The following WASHC5 variants were observed in gnomAD, a reference collection of about 807,000 sequenced individuals.
WASHC5 encodes the protein WASH complex subunit 5.
In WASHC5, 101 loss-of-function variants were observed where a neutral mutation model predicts 150.4. That is an observed-to-expected ratio of 0.67 (90% CI 0.57 to 0.79). The LOEUF is 0.79. Ranked by LOEUF, WASHC5 falls within the 30% of genes least tolerant of loss-of-function variation. WASHC5 has a pLI of 0.00. For synonymous variants in WASHC5, 467 were observed against 491.2 expected, an observed-to-expected ratio of 0.95 and a Z score of 0.65; for missense variants, 1,195 against 1,396.3, an observed-to-expected ratio of 0.86 and a Z score of 2.30.
At position 125,047,295 on chromosome 8, in the gene WASHC5, T is replaced by C; in HGVS notation, c.2416A>G (p.Ile806Val). ...ACAGGGGTAAACTTGGGTATTGGAA[T>C]ATGAGTGGACTGGTACATGCTTTGC... ...DWQSMYQSTH[I>V]PIPKFTPVDE... Residue 806 changes from isoleucine to valine, a missense_variant, in exon 20 of 29, where the codon ATT becomes GTT. Physicochemically the swap from Ile to Val is conservative, Grantham distance 29 (BLOSUM62 3). Transcript: ENST00000318410. The C allele has an allele frequency of 6.2e-7, 1 of 1,613,988 alleles. No individual in the cohort carries two copies. The highest frequency in any genetic ancestry group is 8.5e-7 in the Non-Finnish European group (1 of 1,179,860).
rs1477817501 is a variant in WASHC5, at chr8:125,044,918, C to CATTGAAACCA, written c.2505-221_2505-220insTGGTTTCAAT. On this transcript the variant is annotated intron_variant, in intron 20 of 28. Transcript: ENST00000318410. ...CTGACCCCCTTTTCCTGCCCTATGCCATATCATTGGTTTCAGTCATTTATT... is the reference window on the plus strand; with the variant it reads ...CTGACCCCCTTTTCCTGCCCTATGCCATTGAAACCAATATCATTGGTTTCAGTCATTTATT... 37 of 575,998 alleles carry CATTGAAACCA rather than the reference C, an allele frequency of 6.4e-5. No homozygotes were observed. In the Admixed American group the frequency reaches 1.0e-3, roughly 16 times the overall value. 35.7% of individuals were successfully genotyped at this position (575,998 alleles called of 1,614,324 possible).
chr8:125,044,807 A>G, intron 20 of WASHC5, 109 bp from the exon 21 acceptor site: 5 of 1,125,724 alleles, frequency 4.4e-6, no homozygotes, highest in East Asian at 2.3e-5. Context: ...CAGGAGTTAC[A>G]TGATCTGTGT....
At chr8:125,088,770 A>G (rs1441334528) in intron 1 of WASHC5, among the ~76,000 whole-genome samples, 1 of 152,172 alleles carries the variant, frequency 6.6e-6, no homozygotes, top group African/African-American at 2.4e-5. Context: ...CCTCCGGACC[A>G]TAGATGCTAT....
At chr8:125,036,969 C>A (rs999073692) in intron 26 of WASHC5, among the ~76,000 whole-genome samples, 1 of 152,084 alleles carries the variant, frequency 6.6e-6, no homozygotes, top group East Asian at 1.9e-4. Flanking sequence ...GCTGAGACCA[C>A]GCCATCGCGC....
intron 19 of WASHC5, among the ~76,000 whole-genome samples, chr8:125,047,738 T>A (rs1361711508): frequency 6.6e-6 from 1 of 152,074 alleles, no homozygotes; most frequent in African/African-American, 2.4e-5. Flanking sequence ...TCTGGCTAAT[T>A]TTTGTGTTTT....
In WASHC5 at chr8:125,039,954, G is replaced by A. The variant is rs1038566892; in HGVS notation, c.2851-56C>T. ...TGCATTCAAGCATTTCAGAGTGACA[G>A]TGAGGAGGTAAACACAAAGATGACA... On this transcript the variant is annotated intron_variant, in intron 23 of 28. Coordinates refer to ENST00000318410, the MANE Select transcript of WASHC5 (RefSeq NM_014846.4). 8 of 1,139,366 alleles carry A rather than the reference G, an allele frequency of 7.0e-6. No individual in the cohort carries two copies. The African/African-American group carries it at 1.2e-4, about 17-fold the overall frequency. 70.6% of individuals were successfully genotyped at this position (1,139,366 alleles called of 1,614,324 possible).
intron 12 of WASHC5, among the ~76,000 whole-genome samples, chr8:125,060,241 C>A (rs539869102): frequency 6.9e-6 from 1 of 144,600 alleles, no homozygotes; most frequent in South Asian, 2.1e-4. Context: ...AATCCCAGCA[C>A]TCTGAGAGCC....
Position 125,044,051 on chromosome 8 carries a change from G to C in WASHC5, c.2711C>G (p.Thr904Ser), listed in dbSNP as rs780949103. 1.2e-6 allele frequency: 2 copies of C among 1,613,566 alleles called. No individual in the cohort carries two copies. The highest frequency in any genetic ancestry group is 1.3e-5 in the African/African-American group (1 of 74,918). Residue 904 changes from threonine (T) to serine (S), a missense_variant, in exon 22 of 29, where the codon ACT becomes AGT. Thr to Ser is a moderately conservative substitution (Grantham distance 58). This residue lies in a region of WASHC5 where 997 missense variants were observed against 1,168.1 expected (regional missense o/e 0.85). Transcript: ENST00000318410. ...MFQKIILRDR[T>S]VQDTLKTLMN... ...GAGGGTTTTTAAAGTGTCCTGAACA[G>C]TTCTGTCTCTCAGGATAATTTTCTG...
chr8:125,073,361 T>A (rs750363932), intron 8 of WASHC5, 37 bp from the exon 9 acceptor site: 2 of 1,526,478 alleles, frequency 1.3e-6, no homozygotes, highest in South Asian at 2.2e-5. Context: ...ATTTAAAAAG[T>A]CATTTATCTT....
intron 5 of WASHC5, among the ~76,000 whole-genome samples, chr8:125,080,136 G>A (rs1817204600): frequency 6.6e-6 from 1 of 152,260 alleles, no homozygotes; most frequent in Non-Finnish European, 1.5e-5. Flanking sequence ...TTTGCTGTAA[G>A]GATCTCTTTT....
At chr8:125,079,184 C>T (rs1480147367) in intron 5 of WASHC5, among the ~76,000 whole-genome samples, 1 of 104,976 alleles carries the variant, frequency 9.5e-6, no homozygotes, top group Non-Finnish European at 1.9e-5. Context: ...GTATATATAA[C>T]CTTTTTTTTT....
chr8:125,029,025 G>C (rs1169675043), intron 27 of WASHC5, among the ~76,000 whole-genome samples: 1 of 136,048 alleles, frequency 7.4e-6, no homozygotes. Flanking sequence ...TCCCATCCCT[G>C]CACACTTTTT....
chr8:125,085,729 T>C (rs1374590931), intron 1 of WASHC5, among the ~76,000 whole-genome samples: 3 of 152,138 alleles, frequency 2.0e-5, no homozygotes, highest in Non-Finnish European at 4.4e-5. Context: ...CCAGTGCAGA[T>C]AGCAGGGGTG....
chr8:125,026,877 T>TA (rs1815392622), intron 28 of WASHC5, among the ~76,000 whole-genome samples: 1 of 152,254 alleles, frequency 6.6e-6, no homozygotes, highest in East Asian at 1.9e-4. Context: ...TATGACATTT[T>TA]AAAAAATATA....
At chr8:125,051,513 C>G (rs1291295286) in intron 17 of WASHC5, among the ~76,000 whole-genome samples, 1 of 152,212 alleles carries the variant, frequency 6.6e-6, no homozygotes, top group Non-Finnish European at 1.5e-5. Context: ...ACGTCAAGAT[C>G]GTTCAATCAG....
chr8:125,052,967 T>C (rs1172875062), intron 17 of WASHC5, among the ~76,000 whole-genome samples: 2 of 152,202 alleles, frequency 1.3e-5, no homozygotes, highest in Non-Finnish European at 2.9e-5. Flanking sequence ...TTGGGCAATA[T>C]CATCCAACAC....
At chr8:125,035,250 T>C (rs930928766) in intron 26 of WASHC5, among the ~76,000 whole-genome samples, 1 of 152,232 alleles carries the variant, frequency 6.6e-6, no homozygotes, top group Non-Finnish European at 1.5e-5. Context: ...TGTTGTGTTA[T>C]GTTTTAAGAT....
In WASHC5 at chr8:125,024,554, A is replaced by G; in HGVS notation, c.*63T>C. The G allele has an allele frequency of 7.9e-7, 1 of 1,260,890 alleles. No homozygotes were observed. Among genetic ancestry groups the G allele is most frequent in the Non-Finnish European group, 1.2e-6 (1 of 858,346 alleles). 78.1% of individuals were successfully genotyped at this position (1,260,890 alleles called of 1,614,324 possible). Reference sequence around the variant, plus strand: ...CAACTGAGTTTCTTTTCATCTTCAAATTCATTTGTGATGGTGGGAAGATCT... The same window carrying G: ...CAACTGAGTTTCTTTTCATCTTCAAGTTCATTTGTGATGGTGGGAAGATCT... On this transcript the variant is annotated 3_prime_UTR_variant, in exon 29 of 29. Transcript: ENST00000318410.
At chr8:125,028,538 T>G in intron 28 of WASHC5, 82 bp downstream of exon 28, 7 of 989,448 alleles carry the variant, frequency 7.1e-6, no homozygotes, top group Middle Eastern at 2.2e-4. Context: ...CCTATTGGGC[T>G]TCACTCCTGA....
Sources: gnomAD v4.1 joint callset for allele counts (sites outside exome capture counted in the v4.1 genomes callset) on GRCh38, gnomAD v4.1.1 for gene constraint, gnomAD v4.1.1 regional missense constraint, MANE v1.5 for transcripts, NCBI Gene and HGNC (gene_info 2026-07-23, HGNC 2026-07-21) for gene names.